The following SYCE1L variants were observed in gnomAD, a reference collection of about 807,000 sequenced individuals.
The protein encoded by SYCE1L is synaptonemal complex central element protein 1-like.
A neutral mutation model predicts 39.6 loss-of-function variants in SYCE1L; 51 were observed. That is an observed-to-expected ratio of 1.29 (90% confidence interval 1.03 to 1.63). The LOEUF (loss-of-function observed/expected upper bound fraction) is 1.63. Among genes scored for constraint, SYCE1L ranks in the 40% most tolerant of loss-of-function variants. The pLI is 0.00. For missense variants in SYCE1L, 426 were observed against 304.9 expected (o/e 1.40, Z -2.96); for synonymous variants, 147 against 122.4 (o/e 1.20, Z -1.33).
intron 1 of SYCE1L, chr16:77,202,132 C>T (rs1032094071): frequency 6.6e-6 from 1 of 152,138 alleles, no homozygotes; most frequent in Admixed American, 6.5e-5. Flanking sequence ...TGTTGAATGG[C>T]ACCTGAGGAT....
chr16:77,211,526 C>T (rs904863675), intron 7 of SYCE1L, among the ~76,000 whole-genome samples: 4 of 152,302 alleles, frequency 2.6e-5, no homozygotes, highest in Non-Finnish European at 5.9e-5. Flanking sequence ...CTGCTTTCCC[C>T]CTGCTCATCT....
At chr16:77,199,576 G>C in intron 1 of SYCE1L, 64 bp downstream of exon 1, 1 of 1,226,522 alleles carries the variant, frequency 8.2e-7, no homozygotes, top group Non-Finnish European at 1.2e-6. Context: ...GGGAGGATTC[G>C]TCCCATTACA....
intron 2 of SYCE1L, among the ~76,000 whole-genome samples, chr16:77,207,862 A>C (rs2054796261): frequency 6.6e-6 from 1 of 150,438 alleles, no homozygotes. Flanking sequence ...CCCCCTCCAT[A>C]CTCTTTACCC....
intron 4 of SYCE1L, 62 bp from the exon 5 acceptor site, chr16:77,209,035 G>A: frequency 6.6e-7 from 1 of 1,520,298 alleles, no homozygotes; most frequent in Non-Finnish European, 8.9e-7. Context: ...CCCCTTATAT[G>A]AAGTTGCACT....
chr16:77,205,056 A>AAAAAAAAAG (rs1471925292), intron 1 of SYCE1L, among the ~76,000 whole-genome samples: 52 of 140,742 alleles, frequency 3.7e-4, no homozygotes, highest in East Asian at 1.3e-3. Context: ...AAAAAAAAAA[A>AAAAAAAAAG]AAAAGAAAAG....
chr16:77,206,561 C>T, intron 2 of SYCE1L, 61 bp downstream of exon 2: 2 of 1,502,066 alleles, frequency 1.3e-6, no homozygotes, highest in Non-Finnish European at 1.8e-6. Context: ...AGACATGGTA[C>T]AAATTCAGCC....
intron 1 of SYCE1L, chr16:77,199,784 A>C: frequency 3.0e-6 from 1 of 337,174 alleles, no homozygotes; most frequent in Non-Finnish European, 5.4e-6. Flanking sequence ...GAAAGTCTTC[A>C]AACAAAAGTG....
At chr16:77,211,086 A>G (rs982378174) in intron 6 of SYCE1L, 127 bp from the exon 7 acceptor site, 17 of 1,009,444 alleles carry the variant, frequency 1.7e-5, no homozygotes, top group African/African-American at 3.2e-5. Flanking sequence ...AGCTTAGAGG[A>G]TAAAACCCAT....
At chr16:77,199,621 A>T in intron 1 of SYCE1L, 109 bp downstream of exon 1, 1 of 969,738 alleles carries the variant, frequency 1.0e-6, no homozygotes, top group Non-Finnish European at 1.5e-6. Flanking sequence ...TTTTTTAAAT[A>T]AAATGTTAAG....
rs970259181 is a variant in SYCE1L, at chr16:77,212,613, G to T, written c.621G>T (p.Arg207=). Residue 207 remains arginine, a synonymous_variant, in exon 10 of 11, where the codon CGG becomes CGT. Transcript: ENST00000378644. ...TGGAGATATTCGGGGAGCAGGTCCGGAGCGCCCCCGAGGTCGGGGCCGGCG... is the reference window on the plus strand; with the variant it reads ...TGGAGATATTCGGGGAGCAGGTCCGTAGCGCCCCCGAGGTCGGGGCCGGCG... ...AELEIFGEQV[R]SAPEVGAGEG... 6 of 1,535,838 alleles carry T rather than the reference G, an allele frequency of 3.9e-6. No homozygotes were observed. The highest frequency in any genetic ancestry group is 1.2e-5 in the South Asian group (1 of 84,016).
chr16:77,211,392 C>A, intron 7 of SYCE1L, 116 bp downstream of exon 7: 1 of 1,259,980 alleles, frequency 7.9e-7, no homozygotes, highest in Non-Finnish European at 1.1e-6. Context: ...GTCCTTGATT[C>A]CTTGCTTCCG....
chr16:77,206,255 T>C (rs900537856), intron 1 of SYCE1L, among the ~76,000 whole-genome samples, 186 bp from the exon 2 acceptor site: 1 of 152,134 alleles, frequency 6.6e-6, no homozygotes, highest in African/African-American at 2.4e-5. Flanking sequence ...TCCTGATTTA[T>C]CTAGCACACA....
chr16:77,209,223 A>G, intron 5 of SYCE1L, 79 bp downstream of exon 5: 1 of 1,486,708 alleles, frequency 6.7e-7, no homozygotes, highest in Non-Finnish European at 9.2e-7. Context: ...CAGCCAGAGG[A>G]ATCCCACTGA....
In SYCE1L at chr16:77,208,241, G is replaced by A. The variant is rs2054799104; in HGVS notation, c.153G>A (p.Leu51=). 8 of 1,551,702 alleles carry A rather than the reference G, an allele frequency of 5.2e-6. No individual in the cohort carries two copies. Among genetic ancestry groups the A allele is most frequent in the Non-Finnish European group, 6.1e-6 (7 of 1,147,002 alleles). The change falls in exon 3 of 11, where the codon CTG becomes CTA. Residue 51 remains leucine (L), a synonymous_variant. Coordinates refer to ENST00000378644, the MANE Select transcript of SYCE1L (RefSeq NM_001129979.3). ...GCCTGGAGCCACAGATAGAGGACCT[G>A]ATTAGCCGGATTAATGATCTTCAGC... ...EGSLEPQIED[L]ISRINDLQQA...
chr16:77,199,428 C>T lies in SYCE1L; in HGVS notation c.-24C>T, dbSNP rs1175036087. The T allele has an allele frequency of 5.2e-6, 8 of 1,550,968 alleles. No individual in the cohort carries two copies. In the Admixed American group the frequency reaches 1.6e-4, roughly 30 times the overall value. On this transcript the variant is annotated 5_prime_UTR_variant, in exon 1 of 11. Transcript: ENST00000378644. ...TTTTAACCAGTCATCAAGCGAGGCT[C>T]GCGCGCAGGCCCCGCGTTGGAAAAT...
In SYCE1L at chr16:77,212,645, A is replaced by G; in HGVS notation, c.653A>G (p.Glu218Gly). ...SAPEVGAGEG[E>G]AGPELPRARD... ...CCCGAGGTCGGGGCCGGCGAGGGAG[A>G]GGTAGGGAGCCCGAGGAAGGGAGGC... The change falls in exon 10 of 11, where the codon GAG (glutamate) becomes GGG (glycine). Residue 218 changes from glutamate to glycine, a missense_variant and splice_region_variant. Transcript: ENST00000378644. 1 of 1,532,006 alleles carries G rather than the reference A, an allele frequency of 6.5e-7. No homozygotes were observed. The highest frequency in any genetic ancestry group is 1.2e-5 in the South Asian group (1 of 83,778). 94.9% of individuals were successfully genotyped at this position (1,532,006 alleles called of 1,614,324 possible).
intron 5 of SYCE1L, 95 bp from the exon 6 acceptor site, chr16:77,209,322 C>A: frequency 7.1e-7 from 1 of 1,413,814 alleles, no homozygotes; most frequent in Non-Finnish European, 9.8e-7. Context: ...CTCACAGTGC[C>A]CTCCAATGCC....
chr16:77,213,048 C>G lies in SYCE1L; in HGVS notation c.*117C>G. On this transcript the variant is annotated 3_prime_UTR_variant, in exon 11 of 11. Coordinates refer to ENST00000378644, the MANE Select transcript of SYCE1L (RefSeq NM_001129979.3). ...GTCTGTGCTACACCGTGGAGCGGGG[C>G]GGGGCGTGCTGGGATCTCGAGGCGG... The G allele has an allele frequency of 9.1e-7, 1 of 1,100,574 alleles. No individual in the cohort carries two copies. Among genetic ancestry groups the G allele is most frequent in the Non-Finnish European group, 1.2e-6 (1 of 844,952 alleles). 68.2% of individuals were successfully genotyped at this position (1,100,574 alleles called of 1,614,324 possible). A position where few individuals can be genotyped will look rare whatever the true frequency, so the allele number is the denominator to read the frequency against.
chr16:77,201,315 A>G (rs972378553), intron 1 of SYCE1L: 2 of 152,242 alleles, frequency 1.3e-5, no homozygotes, highest in Non-Finnish European at 2.9e-5. Flanking sequence ...TGCCACTGCA[A>G]TTAAAAAAAA....
Sources: allele counts gnomAD v4.1 joint callset (sites outside exome capture counted in the v4.1 genomes callset), GRCh38; gene constraint gnomAD v4.1.1; transcripts MANE v1.5; gene names NCBI Gene and HGNC (gene_info 2026-07-23, HGNC 2026-07-21).